Variants in PRKN observed in about 807,000 individuals in gnomAD.
PRKN encodes parkin RBR E3 ubiquitin protein ligase, also known as E3 ubiquitin-protein ligase parkin.
PRKN carries 56 observed loss-of-function variants against 59.5 expected under a neutral mutation model. The ratio of observed to expected loss-of-function variants is 0.94; its 90% CI spans 0.76 to 1.18. The LOEUF (loss-of-function observed/expected upper bound fraction) is 1.18. Ranked by LOEUF, PRKN falls within the 50% of genes most tolerant of loss-of-function variation. PRKN has a pLI of 0.00. For synonymous variants in PRKN, 250 were observed against 222.1 expected (o/e 1.13, Z -1.12); for missense variants, 657 against 596.4 (o/e 1.10, Z -1.06).
At chr6:161,677,494 C>T (rs770514567) in intron 7 of PRKN, among the ~76,000 whole-genome samples, 2 of 152,184 alleles carry the variant, frequency 1.3e-5, no homozygotes, top group African/African-American at 4.8e-5. Context: ...GCCTTGGTTT[C>T]CTTGTCTGTG....
At position 161,516,467 on chromosome 6, in the gene PRKN, TAAAAAAAAA is replaced by T. The variant is rs376373455; in HGVS notation, c.1083+32378_1083+32386del. 9.2e-3 allele frequency among the ~76,000 whole-genome samples: 213 copies of T among 23,142 alleles called. 1 individual carries two copies. Among genetic ancestry groups the T allele is most frequent in the African/African-American group, 0.034 (205 of 6,030 alleles). 15.2% of individuals were successfully genotyped at this position (23,142 alleles called of 152,430 possible). A position where few individuals can be genotyped will look rare whatever the true frequency, so the allele number is the denominator to read the frequency against. The stretch of plus-strand genomic sequence containing the variant: ...CTGGGTGGCAGAGTGAGGCTCCTTC[TAAAAAAAAA>T]AAAAAAAAAAAAAAAAAGAAGAAGA... On this transcript the variant is annotated intron_variant, in intron 9 of 11. Coordinates refer to ENST00000366898, the MANE Select transcript of PRKN (RefSeq NM_004562.3).
At chr6:162,440,286 A>G (rs1789991837) in intron 2 of PRKN, among the ~76,000 whole-genome samples, 1 of 152,192 alleles carries the variant, frequency 6.6e-6, no homozygotes, top group African/African-American at 2.4e-5. Flanking sequence ...TTTAGATGTG[A>G]CATCAATTCT....
chr6:162,155,668 T>C (rs1254292020), intron 4 of PRKN, among the ~76,000 whole-genome samples: 6 of 152,140 alleles, frequency 3.9e-5, no homozygotes. Context: ...AGAATTAAAA[T>C]GTTGACTATT....
At chr6:161,595,871 C>T (rs1198299358) in intron 7 of PRKN, among the ~76,000 whole-genome samples, 1 of 152,190 alleles carries the variant, frequency 6.6e-6, no homozygotes, top group Non-Finnish European at 1.5e-5. Flanking sequence ...AAGAACATTC[C>T]TGGGTCACTT....
At chr6:161,915,709 C>T (rs1369951075) in intron 6 of PRKN, among the ~76,000 whole-genome samples, 2 of 151,392 alleles carry the variant, frequency 1.3e-5, no homozygotes, top group South Asian at 2.1e-4. Context: ...CACATGCAAA[C>T]GTGTATGATA....
chr6:162,139,418 A>C (rs1781685690), intron 4 of PRKN, among the ~76,000 whole-genome samples: 1 of 152,202 alleles, frequency 6.6e-6, no homozygotes, highest in Admixed American at 6.5e-5. Flanking sequence ...TCCACTAACA[A>C]GTGACGTGAC....
intron 2 of PRKN, chr6:162,270,443 G>A (rs1562629187): frequency 6.6e-6 from 1 of 152,092 alleles, no homozygotes; most frequent in Non-Finnish European, 1.5e-5. Flanking sequence ...GGTGCACCAG[G>A]ATCTCACAAA....
chr6:162,159,436 C>T (rs1782664073), intron 4 of PRKN, among the ~76,000 whole-genome samples: 1 of 152,150 alleles, frequency 6.6e-6, no homozygotes, highest in Admixed American at 6.5e-5. Flanking sequence ...AACTAGAAAG[C>T]ACTGCTGAGA....
At position 162,054,173 on chromosome 6, in the gene PRKN, C is replaced by T. The variant is rs370479735; in HGVS notation, c.536G>A (p.Gly179Asp). 4 of 1,608,046 alleles carry T rather than the reference C, an allele frequency of 2.5e-6. No homozygotes were observed. Among genetic ancestry groups the T allele is most frequent in the South Asian group, 2.2e-5 (2 of 90,948 alleles). Residue 179 changes from glycine to aspartate, a missense_variant and splice_region_variant, in exon 5 of 12, where the codon GGT becomes GAT. Physicochemically the swap from Gly to Asp is moderately conservative, Grantham distance 94. Coordinates refer to ENST00000366898, the MANE Select transcript of PRKN (RefSeq NM_004562.3). ...CRQATLTLTQ[G>D]PSCWDDVLIP... is the part of the protein sequence containing the mutation. ...TAAAACATCATCCCAGCAAGATGGACCCTTTGGGAAAAAACAACAATATAT... is the reference window on the plus strand; with the variant it reads ...TAAAACATCATCCCAGCAAGATGGATCCTTTGGGAAAAAACAACAATATAT...
chr6:161,528,009 G>C (rs1055294154), intron 9 of PRKN, among the ~76,000 whole-genome samples: 2 of 152,166 alleles, frequency 1.3e-5, no homozygotes, highest in African/African-American at 4.8e-5. Context: ...CCCCTAATCT[G>C]AGATTGAAAA....
rs1313903439 is a variant in PRKN, at chr6:161,497,763, G to A, written c.1083+51091C>T. ...CAAGATGAGACCAGGATTCTGCCTG[G>A]TTCTGTTGCCAAGGTGGGTGGGAAG... is the stretch of plus-strand genomic sequence containing the variant. On this transcript the variant is annotated intron_variant, in intron 9 of 11. Coordinates refer to ENST00000366898, the MANE Select transcript of PRKN (RefSeq NM_004562.3). This position sits in a 1 kb window ranked among gnomAD's most constrained non-coding sequence, Gnocchi z 4.6. 6.6e-6 allele frequency among the ~76,000 whole-genome samples: 1 copy of A among 152,144 alleles called. No homozygotes were observed. The highest frequency in any genetic ancestry group is 2.4e-5 in the African/African-American group (1 of 41,420).
intron 6 of PRKN, among the ~76,000 whole-genome samples, chr6:161,936,600 T>C (rs999349270): frequency 2.6e-5 from 4 of 152,026 alleles, no homozygotes; most frequent in African/African-American, 9.7e-5. Context: ...TGAGAGTGTT[T>C]TGAGAAAGCC....
intron 1 of PRKN, among the ~76,000 whole-genome samples, chr6:162,556,975 A>G (rs534322673): frequency 5.3e-5 from 8 of 152,284 alleles, no homozygotes; most frequent in African/African-American, 1.9e-4. Context: ...ATAAAAGATA[A>G]TACATTTAAA....
At chr6:161,918,696 G>T (rs545623940) in intron 6 of PRKN, among the ~76,000 whole-genome samples, 1 of 152,086 alleles carries the variant, frequency 6.6e-6, no homozygotes, top group African/African-American at 2.4e-5. Context: ...TTCTATGCAC[G>T]GGAAAACAAG....
intron 9 of PRKN, among the ~76,000 whole-genome samples, chr6:161,486,512 C>T (rs914796881): frequency 6.6e-6 from 1 of 152,114 alleles, no homozygotes; most frequent in African/African-American, 2.4e-5. Context: ...TTAACAGAGG[C>T]TCGGAGCAGA....
At chr6:162,247,095 T>C (rs1779230215) in intron 3 of PRKN, among the ~76,000 whole-genome samples, 1 of 152,150 alleles carries the variant, frequency 6.6e-6, no homozygotes, top group Admixed American at 6.6e-5. Context: ...GCTCTAAAAA[T>C]TGTACTATAT....
chr6:162,409,472 G>A (rs1788243391), intron 2 of PRKN, among the ~76,000 whole-genome samples: 1 of 151,940 alleles, frequency 6.6e-6, no homozygotes, highest in Non-Finnish European at 1.5e-5. Context: ...TCCCTTTTCT[G>A]TAGCACACCC....
intron 4 of PRKN, among the ~76,000 whole-genome samples, chr6:162,055,023 G>C (rs1213244700): frequency 1.3e-5 from 2 of 152,142 alleles, no homozygotes; most frequent in Non-Finnish European, 2.9e-5. Flanking sequence ...TTAGCTGGGT[G>C]TGGTGGCACG....
At chr6:162,192,998 C>T (rs4709582) in intron 4 of PRKN, among the ~76,000 whole-genome samples, 11,483 of 152,150 alleles carry the variant, frequency 0.075, 702 homozygotes, top group Admixed American at 0.2. Context: ...TTTCTGTCTC[C>T]CTTTTTCTTA....
Sources: allele counts gnomAD v4.1 joint callset (sites outside exome capture counted in the v4.1 genomes callset), GRCh38; gene constraint gnomAD v4.1.1; non-coding constraint Gnocchi (gnomAD v3.1); transcripts MANE v1.5; gene names NCBI Gene and HGNC (gene_info 2026-07-23, HGNC 2026-07-21).